Variants in FAM110B observed in about 807,000 individuals in gnomAD.
FAM110B encodes family with sequence similarity 110 member B.
In FAM110B, 6 loss-of-function variants were observed where a neutral mutation model predicts 20.4. The observed-to-expected ratio is 0.29, with a 90% CI of 0.16 to 0.58. The LOEUF is 0.58. Among genes scored for constraint, FAM110B ranks in the 20% least tolerant of loss-of-function variants. The probability of loss-of-function intolerance (pLI) is 0.90; values close to 1 mark genes in which losing one functional copy is unlikely to be tolerated. For synonymous variants in FAM110B, 226 were observed against 214.1 expected (o/e 1.06, Z -0.49); for missense variants, 434 against 498.2 (o/e 0.87, Z 1.23).
At position 58,139,458 on chromosome 8, in the gene FAM110B, T is replaced by C. The variant is rs953453942; in HGVS notation, c.-324-6449T>C. ...TGTTTCCAGATGGTTGGCCCTCTGA[T>C]TTCATACTTTCTGTCCAATTTATAG... On this transcript the variant is annotated intron_variant, in intron 3 of 3. Transcript: ENST00000519262. Among the ~76,000 whole-genome samples, 4 of 152,330 alleles carry C rather than the reference T, an allele frequency of 2.6e-5. 1 individual carries two copies. In the South Asian group the frequency reaches 8.3e-4, roughly 32 times the overall value.
intron 2 of FAM110B, among the ~76,000 whole-genome samples, chr8:58,066,345 A>G (rs1300256970): frequency 6.6e-6 from 1 of 152,144 alleles, no homozygotes; most frequent in Non-Finnish European, 1.5e-5. Context: ...ATGCGCAGGT[A>G]CTGGGGAGAT....
chr8:58,123,806 C>G (rs970502762), intron 3 of FAM110B, among the ~76,000 whole-genome samples: 1 of 152,228 alleles, frequency 6.6e-6, no homozygotes, highest in Middle Eastern at 3.4e-3. Flanking sequence ...TCGTAGCTGT[C>G]GTGATTTAGA....
chr8:58,131,670 A>G (rs1253065833), intron 3 of FAM110B, among the ~76,000 whole-genome samples: 2 of 152,224 alleles, frequency 1.3e-5, no homozygotes, highest in African/African-American at 4.8e-5. Context: ...CATGCTTGTC[A>G]TACTACATAC....
At chr8:58,044,170 T>C (rs546579753) in intron 2 of FAM110B, among the ~76,000 whole-genome samples, 1 of 152,328 alleles carries the variant, frequency 6.6e-6, no homozygotes, top group South Asian at 2.1e-4. Context: ...CACACCTAGA[T>C]AACATGTGTT....
intron 1 of FAM110B, among the ~76,000 whole-genome samples, chr8:58,004,612 G>T (rs1472053692): frequency 4.6e-5 from 7 of 152,214 alleles, no homozygotes; most frequent in Admixed American, 3.3e-4. Flanking sequence ...AGGCCTGGTT[G>T]TGCGTGCCTG....
intron 1 of FAM110B, 123 bp from the exon 2 acceptor site, chr8:58,031,483 C>T (rs986294034): frequency 6.6e-6 from 1 of 152,152 alleles, no homozygotes. Flanking sequence ...GGCTTTGAAC[C>T]TAGTTTATCC....
intron 1 of FAM110B, among the ~76,000 whole-genome samples, chr8:58,023,037 A>G (rs946560847): frequency 6.6e-6 from 1 of 152,244 alleles, no homozygotes; most frequent in Admixed American, 6.5e-5. Flanking sequence ...AAATTTAAAG[A>G]GAGATAAACT....
chr8:58,108,311 T>C (rs930852165), intron 3 of FAM110B, among the ~76,000 whole-genome samples: 1 of 152,308 alleles, frequency 6.6e-6, no homozygotes, highest in Non-Finnish European at 1.5e-5. Context: ...TTTTCATCTA[T>C]GAACAAGGGC....
chr8:58,054,917 CT>C (rs35340264), intron 2 of FAM110B, among the ~76,000 whole-genome samples: 13 of 150,944 alleles, frequency 8.6e-5, no homozygotes, highest in Middle Eastern at 3.4e-3. Context: ...TATTTTTCTT[CT>C]TTTTTTTTAA....
intron 1 of FAM110B, among the ~76,000 whole-genome samples, chr8:57,999,261 G>A (rs72660374): frequency 0.024 from 3,579 of 152,284 alleles, 68 homozygotes; most frequent in Non-Finnish European, 0.036. Flanking sequence ...TTGGTAGACA[G>A]GTTTCTGGAA....
intron 3 of FAM110B, among the ~76,000 whole-genome samples, chr8:58,122,476 T>C (rs1186935668): frequency 6.6e-6 from 1 of 152,176 alleles, no homozygotes; most frequent in Non-Finnish European, 1.5e-5. Context: ...GATCCTCTAA[T>C]TTTTATGATC....
chr8:58,128,929 A>G (rs568655090), intron 3 of FAM110B, among the ~76,000 whole-genome samples: 2 of 152,266 alleles, frequency 1.3e-5, no homozygotes, highest in East Asian at 3.9e-4. Flanking sequence ...GGCTCTTCAT[A>G]GACGTATTGG....
intron 3 of FAM110B, among the ~76,000 whole-genome samples, chr8:58,096,496 A>G (rs1022519086): frequency 6.6e-6 from 1 of 152,002 alleles, no homozygotes; most frequent in African/African-American, 2.4e-5. Context: ...TCTTTATCCA[A>G]TTTGCCAGTC....
chr8:58,007,931 A>G (rs183678921), intron 1 of FAM110B, among the ~76,000 whole-genome samples: 3 of 152,304 alleles, frequency 2.0e-5, no homozygotes, highest in Admixed American at 2.0e-4. Flanking sequence ...TCTTCTTTAC[A>G]TATTTATACG....
intron 3 of FAM110B, among the ~76,000 whole-genome samples, chr8:58,109,086 G>A (rs890767244): frequency 3.3e-5 from 5 of 152,144 alleles, no homozygotes; most frequent in Admixed American, 6.5e-5. Flanking sequence ...CTTACAGCAC[G>A]TCGCACATTG....
intron 3 of FAM110B, among the ~76,000 whole-genome samples, chr8:58,082,264 C>T (rs1806215860): frequency 6.6e-6 from 1 of 152,166 alleles, no homozygotes; most frequent in Admixed American, 6.5e-5. Context: ...TTCTTAACTG[C>T]CTATAGTAGA....
chr8:58,024,971 G>A (rs561134627), intron 1 of FAM110B, among the ~76,000 whole-genome samples: 1 of 152,212 alleles, frequency 6.6e-6, no homozygotes, highest in East Asian at 1.9e-4. Context: ...TATTTGCCTG[G>A]GCTTACACTA....
intron 3 of FAM110B, among the ~76,000 whole-genome samples, chr8:58,126,560 A>C (rs1361799443): frequency 6.6e-6 from 1 of 152,090 alleles, no homozygotes; most frequent in Non-Finnish European, 1.5e-5. Flanking sequence ...GCCAGCATTT[A>C]TTGGGTGGTG....
chr8:58,142,443 C>T (rs1563384624), intron 3 of FAM110B, among the ~76,000 whole-genome samples: 1 of 152,184 alleles, frequency 6.6e-6, no homozygotes, highest in East Asian at 1.9e-4. Context: ...TGGGAGATAA[C>T]ATTGCTCTTC....
Sources: allele counts gnomAD v4.1 joint callset (sites outside exome capture counted in the v4.1 genomes callset), GRCh38; gene constraint gnomAD v4.1.1; transcripts MANE v1.5; gene names NCBI Gene and HGNC (gene_info 2026-07-23, HGNC 2026-07-21).